Variants in PDX1 observed in about 807,000 individuals in gnomAD.
The protein encoded by PDX1 is pancreatic and duodenal homeobox 1.
PDX1 carries 7 observed loss-of-function variants against 11.1 expected under a neutral mutation model. That is an observed-to-expected ratio of 0.63 (90% CI 0.36 to 1.19). PDX1 has a LOEUF of 1.19. Among genes scored for constraint, PDX1 ranks in the 50% most tolerant of loss-of-function variants. PDX1 has a pLI of 0.02. For missense variants in PDX1, 449 were observed against 412.1 expected (o/e 1.09, Z -0.78); for synonymous variants, 232 against 196.2 (o/e 1.18, Z -1.53).
rs1298703828 is a variant in PDX1, at chr13:27,925,210, T to G, written c.*509T>G. The G allele has an allele frequency of 5.1e-6, 1 of 197,216 alleles. No homozygotes were observed. Among genetic ancestry groups the G allele is most frequent in the Non-Finnish European group, 1.1e-5 (1 of 94,504 alleles). 12.2% of individuals were successfully genotyped at this position (197,216 alleles called of 1,614,324 possible). On this transcript the variant is annotated 3_prime_UTR_variant, in exon 2 of 2. Transcript: ENST00000381033. ...AAGGAAATGTTTGAGTTTTCAAAGATCCCGTGAAATTGATGCCAGTGGAAT... is the reference window on the plus strand; with the variant it reads ...AAGGAAATGTTTGAGTTTTCAAAGAGCCCGTGAAATTGATGCCAGTGGAAT...
chr13:27,923,386 C>T (rs1249678443), intron 1 of PDX1, among the ~76,000 whole-genome samples: 5 of 152,218 alleles, frequency 3.3e-5, no homozygotes, highest in Non-Finnish European at 7.3e-5. Flanking sequence ...CCTCTGAGGG[C>T]ATTTGGGATC....
In PDX1 at chr13:27,925,108, G is replaced by A; in HGVS notation, c.*407G>A. Reference sequence around the variant, plus strand: ...AAGGCTCCCTAACACACACAGCGGGGAAGCTGGGCCGAGTACCTTAATCTG... The same window carrying A: ...AAGGCTCCCTAACACACACAGCGGGAAAGCTGGGCCGAGTACCTTAATCTG... On this transcript the variant is annotated 3_prime_UTR_variant, in exon 2 of 2. Coordinates refer to ENST00000381033, the MANE Select transcript of PDX1 (RefSeq NM_000209.4). 4.3e-6 allele frequency: 1 copy of A among 232,694 alleles called. No individual in the cohort carries two copies. The highest frequency in any genetic ancestry group is 1.0e-4 in the East Asian group (1 of 9,838). The allele number at this position is 232,694 out of a possible 1,614,324, so 14.4% of individuals were successfully genotyped here.
intron 1 of PDX1, among the ~76,000 whole-genome samples, chr13:27,922,011 G>T (rs1280674384): frequency 6.6e-6 from 1 of 152,200 alleles, no homozygotes; most frequent in Non-Finnish European, 1.5e-5. Flanking sequence ...TTCCAGGGCT[G>T]CCTCCCCTCC....
intron 1 of PDX1, among the ~76,000 whole-genome samples, 153 bp downstream of exon 1, chr13:27,920,697 A>G (rs1484144775): frequency 6.6e-6 from 1 of 152,146 alleles, no homozygotes; most frequent in Admixed American, 6.5e-5. Flanking sequence ...CCCATCCCTC[A>G]CAGCAGTGCT....
At chr13:27,921,412 G>T (rs1174864625) in intron 1 of PDX1, among the ~76,000 whole-genome samples, 2 of 152,246 alleles carry the variant, frequency 1.3e-5, no homozygotes, top group African/African-American at 4.8e-5. Flanking sequence ...CCGGAGGCAC[G>T]GGGTAGCCCC....
rs1215205647 is a variant in PDX1 at position 27,924,722 on chromosome 13, C to A, written c.*21C>A. On this transcript the variant is annotated 3_prime_UTR_variant, in exon 2 of 2. Coordinates refer to ENST00000381033, the MANE Select transcript of PDX1 (RefSeq NM_000209.4). The surrounding 1 kb of genome is among the most constrained non-coding windows in gnomAD (Gnocchi z 4.8). ...GATGAGAGGCAGGAGCTGCTCCTGG[C>A]TGAGGGGCTTCAACCACTCGCCGAG... is the stretch of plus-strand genomic sequence containing the variant. The A allele has an allele frequency of 6.8e-7, 1 of 1,461,832 alleles. No homozygotes were observed. Among genetic ancestry groups the A allele is most frequent in the Non-Finnish European group, 9.0e-7 (1 of 1,111,450 alleles). 90.6% of individuals were successfully genotyped at this position (1,461,832 alleles called of 1,614,324 possible). A position where few individuals can be genotyped will look rare whatever the true frequency, so the allele number is the denominator to read the frequency against.
Position 27,924,651 on chromosome 13 carries a change from T to C in PDX1, c.802T>C (p.Ser268Pro), listed in dbSNP as rs1376059777. 5 of 1,478,816 alleles carry C rather than the reference T, an allele frequency of 3.4e-6. No individual in the cohort carries two copies. Among genetic ancestry groups the C allele is most frequent in the Non-Finnish European group, 3.6e-6 (4 of 1,120,980 alleles). 91.6% of individuals were successfully genotyped at this position (1,478,816 alleles called of 1,614,324 possible). Residue 268 changes from serine to proline, a missense_variant, in exon 2 of 2, where the codon TCG becomes CCG. Coordinates refer to ENST00000381033, the MANE Select transcript of PDX1 (RefSeq NM_000209.4). The surrounding 1 kb of genome is among the most constrained non-coding windows in gnomAD (Gnocchi z 4.8). The part of the protein sequence containing the change: ...EGRLPPGLSA[S>P]PQPSSVAPRR... ...CCGCCTGCCGCCTGGCCTTAGCGCG[T>C]CGCCACAGCCCTCCAGCGTCGCGCC...
chr13:27,923,612 A>T (rs1463836280), intron 1 of PDX1, among the ~76,000 whole-genome samples: 2 of 152,260 alleles, frequency 1.3e-5, no homozygotes, highest in Non-Finnish European at 2.9e-5. Flanking sequence ...ATTAGCACAA[A>T]GATTTTCAAA....
At position 27,924,928 on chromosome 13, in the gene PDX1, G is replaced by A; in HGVS notation, c.*227G>A. 1 of 442,194 alleles carries A rather than the reference G, an allele frequency of 2.3e-6. No individual in the cohort carries two copies. Among genetic ancestry groups the A allele is most frequent in the East Asian group, 3.7e-5 (1 of 27,160 alleles). 27.4% of individuals were successfully genotyped at this position (442,194 alleles called of 1,614,324 possible). A position where few individuals can be genotyped will look rare whatever the true frequency, so the allele number is the denominator to read the frequency against. On this transcript the variant is annotated 3_prime_UTR_variant, in exon 2 of 2. Transcript: ENST00000381033. The surrounding 1 kb of genome is among the most constrained non-coding windows in gnomAD (Gnocchi z 4.8). ...CCTTCCGGAAGAAAAAGAGCCATTG[G>A]TTTTTGTAGTATTGGGGCCCTCTTT...
In PDX1 at chr13:27,920,080, AGCTCCCGACTCCCGGCTCCCGGCTCCCG is replaced by A; in HGVS notation, c.-51_-24del. 1.3e-6 allele frequency: 2 copies of A among 1,543,914 alleles called. No individual in the cohort carries two copies. Among genetic ancestry groups the A allele is most frequent in the South Asian group, 2.4e-5 (2 of 83,868 alleles). On this transcript the variant is annotated 5_prime_UTR_variant, in exon 1 of 2. Transcript: ENST00000381033. ...CACACAGTGCCAAATCCCCGGCTCC[AGCTCCCGACTCCCGGCTCCCGGCTCCCG>A]GCTCCCGGTGCCCAATCCCGGGCCG... is the stretch of plus-strand genomic sequence containing the variant.
In PDX1 at chr13:27,924,874, T is replaced by C. The variant is rs1316374769; in HGVS notation, c.*173T>C. On this transcript the variant is annotated 3_prime_UTR_variant, in exon 2 of 2. Transcript: ENST00000381033. This position sits in a 1 kb window ranked among gnomAD's most constrained non-coding sequence, Gnocchi z 4.8. Reference sequence around the variant, plus strand: ...CCGCTCTCTCAGGCGCATGTGCCAGTTGGGGCCCCGCGGGTAGATGCCGGC... The same window carrying C: ...CCGCTCTCTCAGGCGCATGTGCCAGCTGGGGCCCCGCGGGTAGATGCCGGC... 3 of 527,456 alleles carry C rather than the reference T, an allele frequency of 5.7e-6. No individual in the cohort carries two copies. The highest frequency in any genetic ancestry group is 6.1e-5 in the South Asian group (1 of 16,518). The allele number at this position is 527,456 out of a possible 1,614,324, so 32.7% of individuals were successfully genotyped here.
rs758919455 is a variant in PDX1, at chr13:27,920,440, C to T, written c.302C>T (p.Pro101Leu). ...ALPHPPAGPF[P>L]EGAEPGVLEE... ...CCCCACCCGCCCGCCGGGCCCTTCCCGGAGGGAGCCGAGCCGGGCGTCCTG... is the reference window on the plus strand; with the variant it reads ...CCCCACCCGCCCGCCGGGCCCTTCCTGGAGGGAGCCGAGCCGGGCGTCCTG... Residue 101 changes from proline (P) to leucine (L), a missense_variant, in exon 1 of 2, where the codon CCG becomes CTG. Pro to Leu is a moderately conservative substitution (Grantham distance 98). This residue lies in a region of PDX1 where 263 missense variants were observed against 212.5 expected (regional missense o/e 1.24). Coordinates refer to ENST00000381033, the MANE Select transcript of PDX1 (RefSeq NM_000209.4). 10 of 1,584,824 alleles carry T rather than the reference C, an allele frequency of 6.3e-6. 1 individual carries two copies. The South Asian group carries it at 9.1e-5, about 14-fold the overall frequency.
chr13:27,921,953 C>T (rs1214705813), intron 1 of PDX1, among the ~76,000 whole-genome samples: 4 of 152,202 alleles, frequency 2.6e-5, no homozygotes, highest in African/African-American at 4.8e-5. Flanking sequence ...GGCGGGAGGA[C>T]AGTCCCTCGA....
rs1312426687 is a variant in PDX1, at chr13:27,920,404, A to T, written c.266A>T (p.Gln89Leu). The change falls in exon 1 of 2, where the codon CAG (glutamine) becomes CTG (leucine). Residue 89 changes from glutamine to leucine, a missense_variant. By Grantham distance (113) the Gln-to-Leu change is moderately radical (BLOSUM62 -2). This residue lies in a region of PDX1 where 263 missense variants were observed against 212.5 expected (regional missense o/e 1.24). Coordinates refer to ENST00000381033, the MANE Select transcript of PDX1 (RefSeq NM_000209.4). ...VAHLHHHLPA[Q>L]LALPHPPAGP... ...CACCTTCACCACCACCTCCCGGCTCAGCTCGCGCTCCCCCACCCGCCCGCC... is the reference window on the plus strand; with the variant it reads ...CACCTTCACCACCACCTCCCGGCTCTGCTCGCGCTCCCCCACCCGCCCGCC... 1.9e-6 allele frequency: 3 copies of T among 1,555,180 alleles called. No homozygotes were observed. Among genetic ancestry groups the T allele is most frequent in the African/African-American group, 2.7e-5 (2 of 73,414 alleles).
chr13:27,924,741 C>T lies in PDX1; in HGVS notation c.*40C>T. On this transcript the variant is annotated 3_prime_UTR_variant, in exon 2 of 2. Transcript: ENST00000381033. This position sits in a 1 kb window ranked among gnomAD's most constrained non-coding sequence, Gnocchi z 4.8. ...TCCTGGCTGAGGGGCTTCAACCACTCGCCGAGGAGGAGCAGAGGGCCTAGG... is the reference window on the plus strand; with the variant it reads ...TCCTGGCTGAGGGGCTTCAACCACTTGCCGAGGAGGAGCAGAGGGCCTAGG... 1 of 1,406,356 alleles carries T rather than the reference C, an allele frequency of 7.1e-7. No individual in the cohort carries two copies. Among genetic ancestry groups the T allele is most frequent in the Non-Finnish European group, 9.3e-7 (1 of 1,079,326 alleles). The allele number at this position is 1,406,356 out of a possible 1,614,324, so 87.1% of individuals were successfully genotyped here.
At position 27,926,207 on chromosome 13, in the gene PDX1, T is replaced by C. The variant is rs749955222; in HGVS notation, c.*1506T>C. 6 of 152,274 alleles carry C rather than the reference T, an allele frequency of 3.9e-5. No individual in the cohort carries two copies. Among genetic ancestry groups the C allele is most frequent in the Non-Finnish European group, 8.8e-5 (6 of 68,056 alleles). 9.4% of individuals were successfully genotyped at this position (152,274 alleles called of 1,614,324 possible). On this transcript the variant is annotated 3_prime_UTR_variant, in exon 2 of 2. Coordinates refer to ENST00000381033, the MANE Select transcript of PDX1 (RefSeq NM_000209.4). ...GTGGGAAATGCTTAATAAATACTGA[T>C]AATATGGGAAGAGATGAAAACTGAT...
In PDX1 at chr13:27,924,661, C is replaced by T. The variant is rs1226961579; in HGVS notation, c.812C>T (p.Pro271Leu). The T allele has an allele frequency of 6.8e-7, 1 of 1,473,240 alleles. No individual in the cohort carries two copies. The highest frequency in any genetic ancestry group is 2.3e-5 in the Admixed American group (1 of 42,938). 91.3% of individuals were successfully genotyped at this position (1,473,240 alleles called of 1,614,324 possible). ...CCTGGCCTTAGCGCGTCGCCACAGC[C>T]CTCCAGCGTCGCGCCTCGGCGGCCG... ...LPPGLSASPQ[P>L]SSVAPRRPQE... Residue 271 changes from proline (P) to leucine (L), a missense_variant, in exon 2 of 2, where the codon CCC (proline) becomes CTC (leucine). Coordinates refer to ENST00000381033, the MANE Select transcript of PDX1 (RefSeq NM_000209.4). The surrounding 1 kb of genome is among the most constrained non-coding windows in gnomAD (Gnocchi z 4.8).
chr13:27,923,212 C>A (rs544756154), intron 1 of PDX1, among the ~76,000 whole-genome samples: 1 of 152,362 alleles, frequency 6.6e-6, no homozygotes, highest in East Asian at 1.9e-4. Flanking sequence ...TGGGACCTGG[C>A]TGAGCGCAGC....
At position 27,924,885 on chromosome 13, in the gene PDX1, C is replaced by T. The variant is rs551863908; in HGVS notation, c.*184C>T. The T allele has an allele frequency of 1.3e-5, 6 of 473,676 alleles. No homozygotes were observed. The East Asian group carries it at 2.2e-4, about 17-fold the overall frequency. The allele number at this position is 473,676 out of a possible 1,614,324, so 29.3% of individuals were successfully genotyped here. On this transcript the variant is annotated 3_prime_UTR_variant, in exon 2 of 2. Transcript: ENST00000381033. The surrounding 1 kb of genome is among the most constrained non-coding windows in gnomAD (Gnocchi z 4.8). ...GGCGCATGTGCCAGTTGGGGCCCCGCGGGTAGATGCCGGCAGGCCTTCCGG... is the reference window on the plus strand; with the variant it reads ...GGCGCATGTGCCAGTTGGGGCCCCGTGGGTAGATGCCGGCAGGCCTTCCGG...
Sources: allele counts gnomAD v4.1 joint callset (sites outside exome capture counted in the v4.1 genomes callset), GRCh38; gene constraint gnomAD v4.1.1; regional missense constraint gnomAD v4.1.1; non-coding constraint Gnocchi (gnomAD v3.1); transcripts MANE v1.5; gene names NCBI Gene and HGNC (gene_info 2026-07-23, HGNC 2026-07-21).